Variants in DENND5A observed in about 807,000 individuals in gnomAD.
DENND5A encodes DENN domain containing 5A.
A neutral mutation model predicts 140.3 loss-of-function variants in DENND5A; 64 were observed. The observed-to-expected ratio is 0.46, with a 90% confidence interval of 0.37 to 0.56. The LOEUF (loss-of-function observed/expected upper bound fraction) is 0.56, where lower values mean the gene tolerates loss of function less well. Among genes scored for constraint, DENND5A ranks in the 20% least tolerant of loss-of-function variants. The pLI is 0.00. For synonymous variants in DENND5A, 605 were observed against 607.7 expected (o/e 1.00, Z 0.07); for missense variants, 1,292 against 1,593.8 (o/e 0.81, Z 3.22).
chr11:9,230,592 A>G (rs1464295662), intron 1 of DENND5A, among the ~76,000 whole-genome samples: 1 of 152,062 alleles, frequency 6.6e-6, no homozygotes, highest in Admixed American at 6.6e-5. Flanking sequence ...TCAGCCATTG[A>G]ACCTTAAGAT....
At chr11:9,257,649 T>C (rs1193545075) in intron 1 of DENND5A, among the ~76,000 whole-genome samples, 2 of 150,648 alleles carry the variant, frequency 1.3e-5, no homozygotes, top group Non-Finnish European at 3.0e-5. Flanking sequence ...ACCCGGCTAA[T>C]TTTTTTGAAT....
At chr11:9,229,118 T>C (rs925908141) in intron 1 of DENND5A, among the ~76,000 whole-genome samples, 2 of 152,068 alleles carry the variant, frequency 1.3e-5, no homozygotes, top group South Asian at 4.1e-4. Context: ...GCAGTTAGTG[T>C]CAGAATTGAA....
intron 1 of DENND5A, among the ~76,000 whole-genome samples, chr11:9,231,162 T>C (rs1006713994): frequency 6.6e-6 from 1 of 152,220 alleles, no homozygotes; most frequent in African/African-American, 2.4e-5. Flanking sequence ...GCAAGAGTTA[T>C]CTCAAAATCT....
intron 5 of DENND5A, among the ~76,000 whole-genome samples, chr11:9,183,619 C>A (rs1421304735): frequency 6.6e-6 from 1 of 152,030 alleles, no homozygotes; most frequent in African/African-American, 2.4e-5. Context: ...GTTGCCCAGG[C>A]TGGTCTTGAA....
At chr11:9,157,121 G>A (rs1202664453) in intron 12 of DENND5A, among the ~76,000 whole-genome samples, 1 of 152,066 alleles carries the variant, frequency 6.6e-6, no homozygotes, top group Admixed American at 6.5e-5. Context: ...AGCTAAAAGA[G>A]CTCAACTATA....
At chr11:9,225,174 G>A (rs898062722) in intron 1 of DENND5A, among the ~76,000 whole-genome samples, 1 of 152,066 alleles carries the variant, frequency 6.6e-6, no homozygotes, top group Non-Finnish European at 1.5e-5. Flanking sequence ...ACTAAATCAC[G>A]CTTTTGCCAT....
intron 4 of DENND5A, among the ~76,000 whole-genome samples, chr11:9,201,282 G>C (rs1387044412): frequency 6.6e-6 from 1 of 151,770 alleles, no homozygotes; most frequent in African/African-American, 2.4e-5. Flanking sequence ...GGCTGAGATG[G>C]GAAGATCACT....
chr11:9,191,411 T>G (rs56135790), intron 5 of DENND5A, among the ~76,000 whole-genome samples: 26,775 of 152,104 alleles, frequency 0.18, 2,549 homozygotes, highest in Non-Finnish European at 0.2. Flanking sequence ...CTAATTTTTT[T>G]GTATTTTTAG....
intron 2 of DENND5A, chr11:9,207,100 CTTT>C: frequency 4.9e-6 from 2 of 406,188 alleles, no homozygotes; most frequent in Non-Finnish European, 8.9e-6. Context: ...TTGTATCTAT[CTTT>C]TTTTTTTCCC....
Position 9,206,663 on chromosome 11 carries a change from A to G in DENND5A, c.291+10T>C. 1 of 1,583,114 alleles carries G rather than the reference A, an allele frequency of 6.3e-7. No individual in the cohort carries two copies. Among genetic ancestry groups the G allele is most frequent in the Non-Finnish European group, 8.7e-7 (1 of 1,151,970 alleles). ...AAATTATCTCATACTTGTGGCTAAC[A>G]AATACCAACCATTCCTACTGCATCT... On this transcript the variant is annotated intron_variant, in intron 3 of 22. Coordinates refer to ENST00000328194, the MANE Select transcript of DENND5A (RefSeq NM_015213.4).
chr11:9,206,905 A>G, intron 2 of DENND5A, 123 bp from the exon 3 acceptor site: 1 of 676,260 alleles, frequency 1.5e-6, no homozygotes, highest in East Asian at 2.6e-5. Context: ...TAGTATGCCA[A>G]CCATCTAAGA....
intron 1 of DENND5A, among the ~76,000 whole-genome samples, chr11:9,239,753 T>C (rs533307722): frequency 1.3e-5 from 2 of 152,286 alleles, no homozygotes; most frequent in Non-Finnish European, 2.9e-5. Flanking sequence ...TGTGCTACCA[T>C]GCCTGGCCAA....
intron 6 of DENND5A, 129 bp downstream of exon 6, chr11:9,180,638 G>C (rs1212703785): frequency 2.3e-6 from 2 of 882,552 alleles, no homozygotes. Context: ...CCCCCATACA[G>C]AACATTCTTT....
intron 5 of DENND5A, 145 bp from the exon 6 acceptor site, chr11:9,181,229 G>A (rs181485288): frequency 1.5e-6 from 1 of 685,452 alleles, no homozygotes; most frequent in South Asian, 2.0e-5. Flanking sequence ...ATAGGGCTCA[G>A]AAATAAGACA....
At chr11:9,215,268 T>C (rs979482894) in intron 1 of DENND5A, among the ~76,000 whole-genome samples, 2 of 152,228 alleles carry the variant, frequency 1.3e-5, no homozygotes, top group Admixed American at 6.5e-5. Context: ...ATCCAACTCA[T>C]GTACCTAGTA....
At chr11:9,164,016 T>A (rs1848085937) in intron 11 of DENND5A, among the ~76,000 whole-genome samples, 1 of 147,110 alleles carries the variant, frequency 6.8e-6, no homozygotes, top group Non-Finnish European at 1.5e-5. Context: ...GAGTTTTTTT[T>A]AACCTAAATT....
intron 5 of DENND5A, among the ~76,000 whole-genome samples, chr11:9,181,891 TCA>T (rs1045578845): frequency 2.3e-4 from 35 of 152,346 alleles, no homozygotes; most frequent in South Asian, 6.2e-4. Flanking sequence ...TTTCTGAGCC[TCA>T]GTCTTAATTT....
intron 1 of DENND5A, among the ~76,000 whole-genome samples, chr11:9,262,498 A>C (rs1023201347): frequency 6.6e-6 from 1 of 152,160 alleles, no homozygotes; most frequent in Admixed American, 6.6e-5. Flanking sequence ...GATGCAGTTT[A>C]ATGTCATGAG....
chr11:9,225,085 A>AT (rs1850476606), intron 1 of DENND5A, among the ~76,000 whole-genome samples: 1 of 152,186 alleles, frequency 6.6e-6, no homozygotes, highest in Admixed American at 6.6e-5. Flanking sequence ...TAATAACACA[A>AT]TTTAAAACAG....
Sources: gnomAD v4.1 joint callset for allele counts (sites outside exome capture counted in the v4.1 genomes callset) on GRCh38, gnomAD v4.1.1 for gene constraint, MANE v1.5 for transcripts, NCBI Gene and HGNC (gene_info 2026-07-23, HGNC 2026-07-21) for gene names.